The following NCAPH variants were observed in gnomAD, a reference collection of about 807,000 sequenced individuals.
NCAPH encodes the protein condensin complex subunit 2.
A neutral mutation model predicts 85.5 loss-of-function variants in NCAPH; 38 were observed. The observed-to-expected ratio is 0.44, with a 90% CI of 0.34 to 0.58. The LOEUF is 0.58. Ranked by LOEUF, NCAPH falls within the 20% of genes least tolerant of loss-of-function variation. The pLI, the probability that NCAPH is intolerant of heterozygous loss-of-function variation, is 0.01. For synonymous variants in NCAPH, 301 were observed against 335.1 expected, an observed-to-expected ratio of 0.90 and a Z score of 1.11; for missense variants, 789 against 916.6, an observed-to-expected ratio of 0.86 and a Z score of 1.80.
At chr2:96,361,802 ATG>A (rs1392328225) in intron 12 of NCAPH, among the ~76,000 whole-genome samples, 2 of 101,358 alleles carry the variant, frequency 2.0e-5, no homozygotes, top group Admixed American at 1.1e-4. Context: ...ATGTATATAT[ATG>A]TGTATATATA....
intron 10 of NCAPH, 159 bp downstream of exon 10, chr2:96,359,352 G>C: frequency 1.2e-6 from 1 of 826,636 alleles, no homozygotes; most frequent in South Asian, 1.8e-5. Flanking sequence ...TGGTCAGTTT[G>C]CCTGGCCTGG....
chr2:96,371,261 A>G (rs1471327252), intron 17 of NCAPH, among the ~76,000 whole-genome samples: 1 of 152,068 alleles, frequency 6.6e-6, no homozygotes, highest in African/African-American at 2.4e-5. Flanking sequence ...ACTCTCCAAC[A>G]TGGGTGCTGG....
intron 6 of NCAPH, among the ~76,000 whole-genome samples, chr2:96,350,921 G>A (rs1055820401): frequency 5.9e-5 from 9 of 152,222 alleles, no homozygotes; most frequent in Non-Finnish European, 8.8e-5. Context: ...TGCTGCACAT[G>A]TGTGTGATTC....
intron 6 of NCAPH, 123 bp downstream of exon 6, chr2:96,344,352 C>A: frequency 1.9e-6 from 2 of 1,046,638 alleles, no homozygotes; most frequent in Non-Finnish European, 2.6e-6. Context: ...GTAAAATATT[C>A]AACTGATATC....
chr2:96,367,384 C>CT lies in NCAPH; in HGVS notation c.1998+13dup, dbSNP rs769013215. On this transcript the variant is annotated intron_variant, in intron 15 of 17. Coordinates refer to ENST00000240423, the MANE Select transcript of NCAPH (RefSeq NM_015341.5). Reference sequence around the variant, plus strand: ...GAGGCAGATGCAGAGGTCAGATGCTCTTGCCTGTTCTCTAGGTGCCCAGCA... The same window carrying CT: ...GAGGCAGATGCAGAGGTCAGATGCTCTTTGCCTGTTCTCTAGGTGCCCAGCA... 2.5e-6 allele frequency: 4 copies of CT among 1,592,804 alleles called. No individual in the cohort carries two copies. The East Asian group carries it at 9.0e-5, about 36-fold the overall frequency.
chr2:96,369,642 T>G, intron 17 of NCAPH, 142 bp downstream of exon 17: 2 of 803,850 alleles, frequency 2.5e-6, no homozygotes, highest in Non-Finnish European at 4.1e-6. Flanking sequence ...CCCAAATGAT[T>G]AGCCAGGCAT....
intron 1 of NCAPH, 103 bp downstream of exon 1, chr2:96,335,951 G>C: frequency 7.9e-7 from 1 of 1,271,792 alleles, no homozygotes; most frequent in Non-Finnish European, 1.0e-6. Flanking sequence ...GAGAGGATAT[G>C]CTCAGCTCGG....
intron 9 of NCAPH, among the ~76,000 whole-genome samples, chr2:96,358,426 T>G (rs2064553196): frequency 1.3e-5 from 2 of 152,140 alleles, no homozygotes; most frequent in African/African-American, 4.8e-5. Context: ...TGTGTCCAGC[T>G]CCCAGCTCCG....
chr2:96,336,122 G>T (rs1291390108), intron 1 of NCAPH, among the ~76,000 whole-genome samples: 1 of 151,910 alleles, frequency 6.6e-6, no homozygotes, highest in East Asian at 1.9e-4. Context: ...CGGGCGGGCG[G>T]TGGGGCGGCC....
In NCAPH at chr2:96,370,300, C is replaced by T. The variant is rs865897661; in HGVS notation, c.2166+800C>T. 1.3e-3 allele frequency among the ~76,000 whole-genome samples: 204 copies of T among 152,216 alleles called. 1 individual carries two copies. Among genetic ancestry groups the T allele is most frequent in the African/African-American group, 4.8e-3 (199 of 41,450 alleles). ...GCTGGGGCACCATGGCCATGGTGTG[C>T]ACCAACACTGTCAACTCCCCAGGAG... is the stretch of plus-strand genomic sequence containing the variant. On this transcript the variant is annotated intron_variant, in intron 17 of 17. Transcript: ENST00000240423.
At position 96,365,924 on chromosome 2, in the gene NCAPH, G is replaced by C. The variant is rs372908041; in HGVS notation, c.1747G>C (p.Val583Leu). 6 of 1,614,082 alleles carry C rather than the reference G, an allele frequency of 3.7e-6. No individual in the cohort carries two copies. In the African/African-American group the frequency reaches 6.7e-5, roughly 18 times the overall value. Residue 583 changes from valine (V) to leucine (L), a missense_variant, in exon 14 of 18, where the codon GTT becomes CTT. Coordinates refer to ENST00000240423, the MANE Select transcript of NCAPH (RefSeq NM_015341.5). ...EDLDDLFVGP[V>L]GNSDLSPYPC... ...TTTGGATGACTTATTTGTGGGACCT[G>C]TTGGGAACTCTGACCTCTCACCTTA...
At chr2:96,346,799 G>A (rs894558041) in intron 6 of NCAPH, among the ~76,000 whole-genome samples, 1 of 152,054 alleles carries the variant, frequency 6.6e-6, no homozygotes, top group Non-Finnish European at 1.5e-5. Context: ...AGCAAATGGC[G>A]GAGGCGGGGT....
intron 9 of NCAPH, 31 bp from the exon 10 acceptor site, chr2:96,359,014 T>G (rs148631188): frequency 2.5e-6 from 4 of 1,607,038 alleles, no homozygotes; most frequent in Non-Finnish European, 3.4e-6. Flanking sequence ...ATAATATATG[T>G]ATTGTACATG....
chr2:96,343,451 C>A (rs117164497), intron 5 of NCAPH, 147 bp downstream of exon 5: 1 of 887,784 alleles, frequency 1.1e-6, no homozygotes, highest in Non-Finnish European at 1.6e-6. Flanking sequence ...TATGGTCTTA[C>A]GTGAGAAGAT....
chr2:96,375,827 T>C lies in NCAPH; in HGVS notation c.*2476T>C, dbSNP rs896425218. ...GAATCCAGCCATCACATCCATAGTC[T>C]AAGCAGCAGGACGAAGGACTGGGGG... On this transcript the variant is annotated 3_prime_UTR_variant, in exon 18 of 18. Transcript: ENST00000240423. 2.3e-4 allele frequency among the ~76,000 whole-genome samples: 35 copies of C among 152,128 alleles called. No individual in the cohort carries two copies. The highest frequency in any genetic ancestry group is 8.0e-4 in the African/African-American group (33 of 41,414).
chr2:96,359,387 GC>G, intron 10 of NCAPH, 194 bp downstream of exon 10: 1 of 613,152 alleles, frequency 1.6e-6, no homozygotes, highest in Non-Finnish European at 2.8e-6. Context: ...GAAAATGGAA[GC>G]CTCTGAGTGA....
At chr2:96,372,918 T>G (rs2064792664) in intron 17 of NCAPH, among the ~76,000 whole-genome samples, 1 of 152,142 alleles carries the variant, frequency 6.6e-6, no homozygotes. Context: ...ACCGGGGGCC[T>G]TGGAACACCC....
At chr2:96,336,852 G>A (rs1259976682) in intron 1 of NCAPH, among the ~76,000 whole-genome samples, 1 of 152,176 alleles carries the variant, frequency 6.6e-6, no homozygotes, top group African/African-American at 2.4e-5. Flanking sequence ...TTTAGAAGCT[G>A]GATAGAGAAG....
In NCAPH at chr2:96,374,532, A is replaced by G. The variant is rs2064811998; in HGVS notation, c.*1181A>G. ...TAAATAGAGATCTTGGATATAGGCC[A>G]GAAGCAGTGAAGTATATAATTGGAA... On this transcript the variant is annotated 3_prime_UTR_variant, in exon 18 of 18. Coordinates refer to ENST00000240423, the MANE Select transcript of NCAPH (RefSeq NM_015341.5). Among the ~76,000 whole-genome samples the G allele has an allele frequency of 6.6e-6, 1 of 152,248 alleles. No individual in the cohort carries two copies. Among genetic ancestry groups the G allele is most frequent in the African/African-American group, 2.4e-5 (1 of 41,462 alleles).
Sources: gnomAD v4.1 joint callset for allele counts (sites outside exome capture counted in the v4.1 genomes callset) on GRCh38, gnomAD v4.1.1 for gene constraint, MANE v1.5 for transcripts, NCBI Gene and HGNC (gene_info 2026-07-23, HGNC 2026-07-21) for gene names.